Variants in EFS observed in about 807,000 individuals in gnomAD.
EFS encodes the protein embryonal Fyn-associated substrate, also known as Cas scaffolding protein family member 3.
Under a neutral mutation model 42.2 loss-of-function variants are expected in EFS, and 34 were observed. The ratio of observed to expected loss-of-function variants is 0.81; its 90% CI spans 0.61 to 1.07. The LOEUF (loss-of-function observed/expected upper bound fraction) is 1.07. Among genes scored for constraint, EFS ranks in the 50% least tolerant of loss-of-function variants. EFS has a pLI of 0.00. For missense variants in EFS, 717 were observed against 729.4 expected (o/e 0.98, Z 0.20); for synonymous variants, 299 against 320.7 (o/e 0.93, Z 0.72).
Position 23,360,802 on chromosome 14 carries a change from G to A in EFS, c.50C>T (p.Thr17Ile), listed in dbSNP as rs1890127657. 2 of 1,613,320 alleles carry A rather than the reference G, an allele frequency of 1.2e-6. No individual in the cohort carries two copies. The highest frequency in any genetic ancestry group is 1.3e-5 in the African/African-American group (1 of 74,920). The stretch of plus-strand genomic sequence containing the variant: ...GGACAGCTCCTGGGGGGACTCAGCG[G>A]TGTTGTCATACAGTGCCCGGGCCAG... ...TQLARALYDN[T>I]AESPQELSFR... Residue 17 changes from threonine (T) to isoleucine (I), a missense_variant, in exon 2 of 6, where the codon ACC becomes ATC. Transcript: ENST00000216733.
At chr14:23,362,408 G>T (rs960993261) in intron 1 of EFS, among the ~76,000 whole-genome samples, 4 of 152,226 alleles carry the variant, frequency 2.6e-5, no homozygotes, top group Non-Finnish European at 5.9e-5. Context: ...GCTAGAGTCA[G>T]CAGGAGTGCA....
intron 5 of EFS, 60 bp from the exon 6 acceptor site, chr14:23,357,720 C>A: frequency 7.3e-7 from 1 of 1,371,310 alleles, no homozygotes; most frequent in South Asian, 1.6e-5. Flanking sequence ...TCCTCCCTCA[C>A]TTCTTTTCTC....
At chr14:23,359,070 C>G (rs1333264603) in intron 4 of EFS, 105 bp from the exon 5 acceptor site, 1 of 1,200,864 alleles carries the variant, frequency 8.3e-7, no homozygotes, top group East Asian at 2.5e-5. Flanking sequence ...CCGAAGGACA[C>G]TCCTGTTATC....
Position 23,356,936 on chromosome 14 carries a change from G to A in EFS, c.*290C>T, listed in dbSNP as rs1197273091. On this transcript the variant is annotated 3_prime_UTR_variant, in exon 6 of 6. Coordinates refer to ENST00000216733, the MANE Select transcript of EFS (RefSeq NM_005864.4). The stretch of plus-strand genomic sequence containing the variant: ...TGGTAGTGCAGTGACCTCCACCCTA[G>A]GCTGAGGAGAGAAGGATCTAGTTCC... 4.0e-6 allele frequency: 1 copy of A among 253,008 alleles called. No individual in the cohort carries two copies. The highest frequency in any genetic ancestry group is 7.4e-6 in the Non-Finnish European group (1 of 134,718). The allele number at this position is 253,008 out of a possible 1,614,324, so 15.7% of individuals were successfully genotyped here.
At position 23,365,048 on chromosome 14, in the gene EFS, T is replaced by C. The variant is rs1890277797; in HGVS notation, c.-23A>G. 1.5e-6 allele frequency: 2 copies of C among 1,317,228 alleles called. No individual in the cohort carries two copies. The highest frequency in any genetic ancestry group is 2.9e-5 in the East Asian group (1 of 34,458). The allele number at this position is 1,317,228 out of a possible 1,614,324, so 81.6% of individuals were successfully genotyped here. ...CATGGCTTTGGCCTCCCGCGCAGCC[T>C]GCCTCAGGCCAGGCTCGGTTTTGCT... On this transcript the variant is annotated 5_prime_UTR_variant, in exon 1 of 6. Coordinates refer to ENST00000216733, the MANE Select transcript of EFS (RefSeq NM_005864.4). This position sits in a 1 kb window ranked among gnomAD's most constrained non-coding sequence, Gnocchi z 5.3.
Position 23,359,542 on chromosome 14 carries a change from G to A in EFS, c.936C>T (p.Val312=), listed in dbSNP as rs776080727. 1.3e-6 allele frequency: 2 copies of A among 1,516,810 alleles called. No individual in the cohort carries two copies. The highest frequency in any genetic ancestry group is 2.2e-5 in the Admixed American group (1 of 45,448). 94.0% of individuals were successfully genotyped at this position (1,516,810 alleles called of 1,614,324 possible). The change falls in exon 4 of 6, where the codon GTC becomes GTT. Residue 312 remains valine (V), a synonymous_variant. Transcript: ENST00000216733. ...LSRRPLPALP[V]PEAPSPSPVP... The stretch of plus-strand genomic sequence containing the variant: ...CTGGGGAGGGGCTGGGGGCCTCAGG[G>A]ACAGGCAGGGCAGGCAGAGGGCGGC...
At chr14:23,360,957 A>G in intron 1 of EFS, 124 bp from the exon 2 acceptor site, 18 of 1,029,364 alleles carry the variant, frequency 1.7e-5, no homozygotes, top group Non-Finnish European at 2.1e-5. Flanking sequence ...CTCTGGATGC[A>G]GCTTTCTGCC....
Position 23,358,923 on chromosome 14 carries a change from A to G in EFS, c.1204T>C (p.Cys402Arg), listed in dbSNP as rs1421603386. 6.2e-7 allele frequency: 1 copy of G among 1,613,054 alleles called. No homozygotes were observed. Among genetic ancestry groups the G allele is most frequent in the Non-Finnish European group, 8.5e-7 (1 of 1,179,638 alleles). ...TCGGGCAGTTCAGGATCCCCTGTGC[A>G]GGCCTGATCCGGGGGCCTAGATCCC... Reference protein sequence around the residue: ...AQGSRPPDQACTGDPELPERG... With the variant: ...AQGSRPPDQARTGDPELPERG... The change falls in exon 5 of 6, where the codon TGC (cysteine) becomes CGC (arginine). Residue 402 changes from cysteine (C) to arginine (R), a missense_variant. Cys to Arg is a radical substitution (Grantham distance 180). Transcript: ENST00000216733.
rs781181918 is a variant in EFS, at chr14:23,360,770, G to A, written c.82C>T (p.Arg28Ter). 5.6e-6 allele frequency: 9 copies of A among 1,613,890 alleles called. No individual in the cohort carries two copies. The highest frequency in any genetic ancestry group is 4.5e-5 in the East Asian group (2 of 44,888). The part of the protein sequence containing the change: ...AESPQELSFR[R>*]GDVLRVLQRE... Reference sequence around the variant, plus strand: ...TGCAGGACCCGTAGGACATCCCCTCGGCGGAAGGACAGCTCCTGGGGGGAC... The same window carrying A: ...TGCAGGACCCGTAGGACATCCCCTCAGCGGAAGGACAGCTCCTGGGGGGAC... Residue 28 changes from arginine to a stop codon, truncating the protein, a stop_gained, in exon 2 of 6, where the codon CGA becomes TGA. Coordinates refer to ENST00000216733, the MANE Select transcript of EFS (RefSeq NM_005864.4). LOFTEE classifies it high-confidence loss of function.
rs771852599 is a variant in EFS at position 23,357,874 on chromosome 14, G to A, written c.1252-214C>T. On this transcript the variant is annotated intron_variant, in intron 5 of 5. Coordinates refer to ENST00000216733, the MANE Select transcript of EFS (RefSeq NM_005864.4). ...TTCAAACAACCTCAAACTTGATTTC[G>A]GACAAGGCTTTGAACTTGGTTTCCT... 6.0e-4 allele frequency among the ~76,000 whole-genome samples: 92 copies of A among 152,070 alleles called. 1 individual carries two copies. The highest frequency in any genetic ancestry group is 4.6e-4 in the Admixed American group (7 of 15,270).
rs144393381 is a variant in EFS at position 23,357,521 on chromosome 14, T to G, written c.1391A>C (p.Asn464Thr). ...VAALMSSTQA[N>T]QPPRLFVPHS... ...GGGCACGAAAAGGCGCGGGGGCTGATTAGCCTGGGTACTGGACATCAGGGC... is the reference window on the plus strand; with the variant it reads ...GGGCACGAAAAGGCGCGGGGGCTGAGTAGCCTGGGTACTGGACATCAGGGC... Residue 464 changes from asparagine to threonine, a missense_variant, in exon 6 of 6, where the codon AAT becomes ACT. By Grantham distance (65) the Asn-to-Thr change is moderately conservative. Transcript: ENST00000216733. 5.7e-5 allele frequency: 92 copies of G among 1,613,832 alleles called. No individual in the cohort carries two copies. The African/African-American group carries it at 1.2e-3, about 21-fold the overall frequency.
intron 4 of EFS, 91 bp from the exon 5 acceptor site, chr14:23,359,056 C>T: frequency 7.9e-7 from 1 of 1,272,502 alleles, no homozygotes; most frequent in Non-Finnish European, 1.1e-6. Context: ...GGACCCCCTT[C>T]CTTCCGAAGG....
Position 23,356,936 on chromosome 14 carries a change from G to C in EFS, c.*290C>G. The C allele has an allele frequency of 4.0e-6, 1 of 253,126 alleles. No individual in the cohort carries two copies. The highest frequency in any genetic ancestry group is 7.4e-6 in the Non-Finnish European group (1 of 134,710). 15.7% of individuals were successfully genotyped at this position (253,126 alleles called of 1,614,324 possible). ...TGGTAGTGCAGTGACCTCCACCCTA[G>C]GCTGAGGAGAGAAGGATCTAGTTCC... On this transcript the variant is annotated 3_prime_UTR_variant, in exon 6 of 6. Transcript: ENST00000216733.
chr14:23,358,415 T>C (rs1162871107), intron 5 of EFS, among the ~76,000 whole-genome samples: 2 of 152,256 alleles, frequency 1.3e-5, no homozygotes, highest in Non-Finnish European at 2.9e-5. Flanking sequence ...GTAGCTATTG[T>C]GTTGCGACCA....
rs547513731 is a variant in EFS, at chr14:23,359,594, C to T, written c.884G>A (p.Arg295Gln). The change falls in exon 4 of 6, where the codon CGG becomes CAG. Residue 295 changes from arginine (R) to glutamine (Q), a missense_variant. By Grantham distance (43) the Arg-to-Gln change is conservative. Transcript: ENST00000216733. ...ARSPPPPHRPRLPSAESLSRR... is the reference protein window; with the variant it reads ...ARSPPPPHRPQLPSAESLSRR... ...GGACAGGCTCTCAGCTGAGGGGAGC[C>T]GGGGCCTGTGTGGGGGTGGGGGGCT... 1.3e-4 allele frequency: 81 copies of T among 626,716 alleles called. No individual in the cohort carries two copies. The South Asian group carries it at 2.6e-3, about 20-fold the overall frequency. 38.8% of individuals were successfully genotyped at this position (626,716 alleles called of 1,614,324 possible).
chr14:23,358,319 T>A (rs1300678214), intron 5 of EFS, among the ~76,000 whole-genome samples: 1 of 152,238 alleles, frequency 6.6e-6, no homozygotes, highest in Non-Finnish European at 1.5e-5. Flanking sequence ...GAGCACCAGA[T>A]GAGTGTTAAC....
Position 23,365,054 on chromosome 14 carries a change from A to G in EFS, c.-29T>C. ...TTTGGCCTCCCGCGCAGCCTGCCTC[A>G]GGCCAGGCTCGGTTTTGCTGACTTC... On this transcript the variant is annotated 5_prime_UTR_variant, in exon 1 of 6. Transcript: ENST00000216733. The surrounding 1 kb of genome is among the most constrained non-coding windows in gnomAD (Gnocchi z 5.3). The G allele has an allele frequency of 7.7e-7, 1 of 1,304,246 alleles. No homozygotes were observed. The highest frequency in any genetic ancestry group is 3.4e-5 in the Admixed American group (1 of 29,448). The allele number at this position is 1,304,246 out of a possible 1,614,324, so 80.8% of individuals were successfully genotyped here.
At chr14:23,359,162 T>A (rs1890028023) in intron 4 of EFS, among the ~76,000 whole-genome samples, 155 bp downstream of exon 4, 1 of 152,030 alleles carries the variant, frequency 6.6e-6, no homozygotes, top group Non-Finnish European at 1.5e-5. Flanking sequence ...CTGGTACAAG[T>A]GTTGTGGCCA....
Position 23,359,892 on chromosome 14 carries a change from G to T in EFS, c.586C>A (p.Pro196Thr), listed in dbSNP as rs765359495. The T allele has an allele frequency of 3.9e-6, 6 of 1,534,166 alleles. No individual in the cohort carries two copies. The highest frequency in any genetic ancestry group is 2.1e-5 in the Admixed American group (1 of 47,840). Reference sequence around the variant, plus strand: ...AGATCTGGTTCCAGCTCTGCAGGTGGCTTTGGGGTCAGAGGCACATCATAG... The same window carrying T: ...AGATCTGGTTCCAGCTCTGCAGGTGTCTTTGGGGTCAGAGGCACATCATAG... ...APYDVPLTPKPPAELEPDLEW... is the reference protein window; with the variant it reads ...APYDVPLTPKTPAELEPDLEW... Residue 196 changes from proline to threonine, a missense_variant, in exon 4 of 6, where the codon CCA becomes ACA. Physicochemically the swap from Pro to Thr is conservative, Grantham distance 38. Transcript: ENST00000216733.
Sources: allele counts gnomAD v4.1 joint callset (sites outside exome capture counted in the v4.1 genomes callset), GRCh38; gene constraint gnomAD v4.1.1; non-coding constraint Gnocchi (gnomAD v3.1); transcripts MANE v1.5; gene names NCBI Gene and HGNC (gene_info 2026-07-23, HGNC 2026-07-21).